The following UNC5C variants were observed in gnomAD, a reference collection of about 807,000 sequenced individuals.
UNC5C encodes the protein netrin receptor UNC5C.
A neutral mutation model predicts 99.8 loss-of-function variants in UNC5C; 47 were observed. The observed-to-expected ratio is 0.47, with a 90% CI of 0.37 to 0.60. The LOEUF (loss-of-function observed/expected upper bound fraction) is 0.60, where lower values mean the gene tolerates loss of function less well. Among genes scored for constraint, UNC5C ranks in the 20% least tolerant of loss-of-function variants. The probability of loss-of-function intolerance (pLI) is 0.00; values close to 1 mark genes in which losing one functional copy is unlikely to be tolerated. For synonymous variants in UNC5C, 487 were observed against 452.2 expected (o/e 1.08, Z -0.98); for missense variants, 1,062 against 1,165.9 (o/e 0.91, Z 1.30).
intron 1 of UNC5C, among the ~76,000 whole-genome samples, chr4:95,485,510 A>G (rs1194732851): frequency 6.6e-6 from 1 of 151,796 alleles, no homozygotes; most frequent in East Asian, 1.9e-4. Flanking sequence ...TAAGAGCATG[A>G]TATGTAAGAA....
chr4:95,248,188 A>G (rs151051390), intron 5 of UNC5C: 316 of 236,332 alleles, frequency 1.3e-3, no homozygotes, highest in African/African-American at 7.0e-3. Flanking sequence ...GGGGTAGGCA[A>G]TATTTTACTT....
rs967197741 is a variant in UNC5C at position 95,490,215 on chromosome 4, T to C, written c.124+58519A>G. ...TTCCAGAAGATGGAAGGGGTCACAT[T>C]GGCCAAAATCAAATATAGCAAGTTA... On this transcript the variant is annotated intron_variant, in intron 1 of 15. Coordinates refer to ENST00000453304, the MANE Select transcript of UNC5C (RefSeq NM_003728.4). 2.1e-4 allele frequency among the ~76,000 whole-genome samples: 32 copies of C among 151,562 alleles called. 1 individual carries two copies. The highest frequency in any genetic ancestry group is 7.4e-5 in the Non-Finnish European group (5 of 67,778).
At chr4:95,356,224 A>AAAAAAAAAAAAAAAAAC (rs1560801873) in intron 1 of UNC5C, among the ~76,000 whole-genome samples, 1 of 127,500 alleles carries the variant, frequency 7.8e-6, no homozygotes. Flanking sequence ...AAAACAAAAA[A>AAAAAAAAAAAAAAAAAC]AAAACAGATT....
At chr4:95,223,236 C>G (rs1006578510) in intron 7 of UNC5C, among the ~76,000 whole-genome samples, 1 of 152,164 alleles carries the variant, frequency 6.6e-6, no homozygotes, top group African/African-American at 2.4e-5. Context: ...AACCACAGTT[C>G]TCCAAGATTT....
chr4:95,396,961 C>T (rs12503036), intron 1 of UNC5C, among the ~76,000 whole-genome samples: 8,366 of 152,106 alleles, frequency 0.055, 505 homozygotes, highest in African/African-American at 0.15. Flanking sequence ...TCAACATTTA[C>T]GAAGCCCCTC....
chr4:95,361,409 C>A (rs1744389093), intron 1 of UNC5C, among the ~76,000 whole-genome samples: 1 of 152,172 alleles, frequency 6.6e-6, no homozygotes, highest in Non-Finnish European at 1.5e-5. Context: ...TTCATACCTT[C>A]AAGATGAACT....
At chr4:95,336,345 G>A (rs1246500136) in intron 1 of UNC5C, among the ~76,000 whole-genome samples, 1 of 151,836 alleles carries the variant, frequency 6.6e-6, no homozygotes, top group Non-Finnish European at 1.5e-5. Context: ...CCATAAATAA[G>A]TTCAGCCTAA....
chr4:95,509,816 A>T (rs1336634454), intron 1 of UNC5C, among the ~76,000 whole-genome samples: 6 of 152,084 alleles, frequency 3.9e-5, no homozygotes, highest in Non-Finnish European at 8.8e-5. Flanking sequence ...TATAAATAAC[A>T]TGAAAAGGTA....
At chr4:95,401,134 T>G (rs948763838) in intron 1 of UNC5C, among the ~76,000 whole-genome samples, 1 of 152,166 alleles carries the variant, frequency 6.6e-6, no homozygotes, top group East Asian at 1.9e-4. Flanking sequence ...TATTTTTCTT[T>G]TTTATTCAAT....
At chr4:95,422,144 A>G (rs1247985280) in intron 1 of UNC5C, among the ~76,000 whole-genome samples, 1 of 152,204 alleles carries the variant, frequency 6.6e-6, no homozygotes, top group African/African-American at 2.4e-5. Flanking sequence ...CCAAGCCCAT[A>G]ATGGAAACGT....
intron 1 of UNC5C, among the ~76,000 whole-genome samples, chr4:95,386,088 T>G (rs1314317942): frequency 6.6e-6 from 1 of 152,154 alleles, no homozygotes; most frequent in Non-Finnish European, 1.5e-5. Flanking sequence ...GACCAGCCAT[T>G]GTAACCTGCA....
intron 1 of UNC5C, among the ~76,000 whole-genome samples, chr4:95,527,942 G>A (rs1480552479): frequency 3.3e-5 from 5 of 152,016 alleles, no homozygotes. Flanking sequence ...CAGAGCTTCA[G>A]AAATATTCAT....
At chr4:95,265,704 C>A (rs1391299807) in intron 4 of UNC5C, among the ~76,000 whole-genome samples, 1 of 152,174 alleles carries the variant, frequency 6.6e-6, no homozygotes, top group South Asian at 2.1e-4. Flanking sequence ...ATTTTGAAAA[C>A]ATACAGTCAA....
chr4:95,347,416 T>G lies in UNC5C; in HGVS notation c.125-11785A>C, dbSNP rs368718638. ...AGAAATAGAAAAAAAATGCTAAAAT[T>G]TACATGGAACCACAACACACCCAGA... On this transcript the variant is annotated intron_variant, in intron 1 of 15. Coordinates refer to ENST00000453304, the MANE Select transcript of UNC5C (RefSeq NM_003728.4). Among the ~76,000 whole-genome samples, 24 of 152,040 alleles carry G rather than the reference T, an allele frequency of 1.6e-4. No homozygotes were observed. The South Asian group carries it at 4.4e-3, about 28-fold the overall frequency.
chr4:95,519,545 A>AC (rs1560492333), intron 1 of UNC5C, among the ~76,000 whole-genome samples: 1 of 152,178 alleles, frequency 6.6e-6, no homozygotes, highest in African/African-American at 2.4e-5. Context: ...TTAAAAAAAA[A>AC]AAACAAACTT....
At chr4:95,545,449 T>C (rs905776479) in intron 1 of UNC5C, among the ~76,000 whole-genome samples, 1 of 152,202 alleles carries the variant, frequency 6.6e-6, no homozygotes, top group African/African-American at 2.4e-5. Context: ...AGAATTGTAA[T>C]GAACTTTAGT....
In UNC5C at chr4:95,414,223, C is replaced by CCA. The variant is rs200197747; in HGVS notation, c.125-78593_125-78592insTG. Among the ~76,000 whole-genome samples the CCA allele has an allele frequency of 2.3e-3, 355 of 152,046 alleles. 1 individual carries two copies. The highest frequency in any genetic ancestry group is 8.0e-3 in the African/African-American group (332 of 41,446). On this transcript the variant is annotated intron_variant, in intron 1 of 15. Coordinates refer to ENST00000453304, the MANE Select transcript of UNC5C (RefSeq NM_003728.4). The stretch of plus-strand genomic sequence containing the variant: ...CTTCCCCTTTTCCCCACCTCCCCCC[C>CCA]ACAAAAAATAGGTCTGGTAGAGAGA...
intron 4 of UNC5C, among the ~76,000 whole-genome samples, chr4:95,254,599 T>C (rs1415088617): frequency 1.3e-5 from 2 of 152,180 alleles, no homozygotes; most frequent in Non-Finnish European, 2.9e-5. Flanking sequence ...GATAGACATA[T>C]AGAATCTAAG....
At chr4:95,375,766 T>A (rs955504531) in intron 1 of UNC5C, among the ~76,000 whole-genome samples, 1 of 152,146 alleles carries the variant, frequency 6.6e-6, no homozygotes, top group African/African-American at 2.4e-5. Context: ...TTATTTCTCA[T>A]CCAAGAATAG....
Sources: gnomAD v4.1 joint callset for allele counts (sites outside exome capture counted in the v4.1 genomes callset) on GRCh38, gnomAD v4.1.1 for gene constraint, MANE v1.5 for transcripts, NCBI Gene and HGNC (gene_info 2026-07-23, HGNC 2026-07-21) for gene names.